The following MLLT3 variants were observed in gnomAD, a reference collection of about 807,000 sequenced individuals.
MLLT3 encodes the protein protein AF-9.
MLLT3 carries 4 observed loss-of-function variants against 53.2 expected under a neutral mutation model. The observed-to-expected ratio is 0.08, with a 90% confidence interval of 0.04 to 0.17. The LOEUF is 0.17. Among genes scored for constraint, MLLT3 ranks in the 10% least tolerant of loss-of-function variants. MLLT3 has a pLI of 1.00. For synonymous variants in MLLT3, 283 were observed against 230.6 expected (o/e 1.23, Z -2.06); for missense variants, 569 against 684.0 (o/e 0.83, Z 1.87).
At chr9:20,505,495 A>C (rs948748749) in intron 2 of MLLT3, among the ~76,000 whole-genome samples, 1 of 152,240 alleles carries the variant, frequency 6.6e-6, no homozygotes, top group East Asian at 1.9e-4. Context: ...CAGAATAAAA[A>C]TGGAATCTGT....
chr9:20,545,375 A>C (rs1337309251), intron 2 of MLLT3, among the ~76,000 whole-genome samples: 1 of 152,170 alleles, frequency 6.6e-6, no homozygotes, highest in African/African-American at 2.4e-5. Context: ...AGAAACACAA[A>C]GTAGAATGGT....
intron 4 of MLLT3, among the ~76,000 whole-genome samples, chr9:20,419,492 C>A (rs1822953998): frequency 6.7e-6 from 1 of 148,432 alleles, no homozygotes. Context: ...AAAGAGAGGG[C>A]TGAATTACAA....
chr9:20,429,972 T>C (rs1823226672), intron 4 of MLLT3, among the ~76,000 whole-genome samples: 1 of 152,182 alleles, frequency 6.6e-6, no homozygotes, highest in African/African-American at 2.4e-5. Context: ...TATGTGTCAT[T>C]ATTCACATTT....
rs1311182194 is a variant in MLLT3, at chr9:20,439,780, CATAAAA to C, written c.420+8337_420+8342del. On this transcript the variant is annotated intron_variant, in intron 4 of 10. Coordinates refer to ENST00000380338, the MANE Select transcript of MLLT3 (RefSeq NM_004529.4). ...TAGATTTTCAGTGGGATCTCATCTA[CATAAAA>C]ATATAATGTGAAATACTGACAGAGG... Among the ~76,000 whole-genome samples, 3 of 152,076 alleles carry C rather than the reference CATAAAA, an allele frequency of 2.0e-5. No homozygotes were observed. In the East Asian group the frequency reaches 5.8e-4, roughly 29 times the overall value.
intron 2 of MLLT3, among the ~76,000 whole-genome samples, chr9:20,581,207 A>T (rs945281736): frequency 2.6e-5 from 4 of 152,174 alleles, no homozygotes; most frequent in Non-Finnish European, 4.4e-5. Flanking sequence ...CTGTTTCTCA[A>T]GTTCTTTGAT....
intron 2 of MLLT3, among the ~76,000 whole-genome samples, chr9:20,586,143 T>C (rs1361852831): frequency 1.3e-5 from 2 of 151,954 alleles, no homozygotes; most frequent in Admixed American, 6.6e-5. Flanking sequence ...ATAGCGAGGC[T>C]TCATCTCTAC....
At chr9:20,456,883 C>T in intron 2 of MLLT3, 97 bp from the exon 3 acceptor site, 1 of 891,262 alleles carries the variant, frequency 1.1e-6, no homozygotes, top group South Asian at 1.6e-5. Context: ...ATCTAGATCA[C>T]ACGCAATTTT....
intron 8 of MLLT3, among the ~76,000 whole-genome samples, chr9:20,358,638 G>T (rs1821234391): frequency 6.6e-6 from 1 of 152,172 alleles, no homozygotes; most frequent in Admixed American, 6.5e-5. Context: ...GAAGCCATAA[G>T]GTTTGAAGGG....
intron 2 of MLLT3, among the ~76,000 whole-genome samples, chr9:20,506,061 CTCTT>C (rs1432664069): frequency 6.8e-6 from 1 of 147,412 alleles, no homozygotes; most frequent in Non-Finnish European, 1.5e-5. Context: ...ACCAGCCCTG[CTCTT>C]TCTTTTTTTC....
chr9:20,501,107 A>G (rs1296487678), intron 2 of MLLT3, among the ~76,000 whole-genome samples: 1 of 152,256 alleles, frequency 6.6e-6, no homozygotes, highest in African/African-American at 2.4e-5. Flanking sequence ...CATGGTATCC[A>G]TTCACTAGTT....
intron 2 of MLLT3, among the ~76,000 whole-genome samples, chr9:20,591,787 G>C (rs887575205): frequency 2.0e-5 from 3 of 152,178 alleles, no homozygotes; most frequent in Non-Finnish European, 4.4e-5. Context: ...CCATGTGAAA[G>C]ATGGTTTCTA....
chr9:20,406,081 C>T (rs1171078170), intron 5 of MLLT3, among the ~76,000 whole-genome samples: 1 of 151,842 alleles, frequency 6.6e-6, no homozygotes, highest in Non-Finnish European at 1.5e-5. Flanking sequence ...CACTACACTC[C>T]AGCCTGGATA....
intron 2 of MLLT3, among the ~76,000 whole-genome samples, chr9:20,486,121 G>C (rs1431484078): frequency 6.6e-6 from 1 of 152,094 alleles, no homozygotes; most frequent in Non-Finnish European, 1.5e-5. Flanking sequence ...TCAGTCACAT[G>C]ATAAACATTT....
chr9:20,385,658 T>G (rs923254515), intron 5 of MLLT3, among the ~76,000 whole-genome samples: 3 of 152,154 alleles, frequency 2.0e-5, no homozygotes, highest in Non-Finnish European at 4.4e-5. Flanking sequence ...GCTGAAAATT[T>G]TGGCTGACAC....
At chr9:20,513,094 G>A (rs575224878) in intron 2 of MLLT3, among the ~76,000 whole-genome samples, 5 of 152,320 alleles carry the variant, frequency 3.3e-5, no homozygotes, top group Admixed American at 6.5e-5. Flanking sequence ...CCCTGATAGG[G>A]CTCTAGGAAA....
At chr9:20,456,623 T>C in intron 3 of MLLT3, 81 bp downstream of exon 3, 1 of 1,002,596 alleles carries the variant, frequency 1.0e-6, no homozygotes, top group African/African-American at 1.6e-5. Context: ...ACAGAAGTGC[T>C]TATGAGTCAA....
At chr9:20,441,880 A>T (rs1373585319) in intron 4 of MLLT3, among the ~76,000 whole-genome samples, 4 of 152,298 alleles carry the variant, frequency 2.6e-5, no homozygotes, top group Admixed American at 2.6e-4. Context: ...AAAGCCACTT[A>T]TATTTTTAGA....
At chr9:20,614,372 T>A (rs935617810) in intron 2 of MLLT3, among the ~76,000 whole-genome samples, 2 of 129,884 alleles carry the variant, frequency 1.5e-5, no homozygotes, top group Non-Finnish European at 3.1e-5. Flanking sequence ...CCAGCCTGGG[T>A]GACAAGAGGG....
intron 2 of MLLT3, among the ~76,000 whole-genome samples, chr9:20,587,170 T>C (rs946403111): frequency 6.1e-5 from 8 of 131,444 alleles, no homozygotes; most frequent in African/African-American, 8.5e-5. Context: ...TTCCAACAGA[T>C]AGCAGATAGC....
Sources: allele counts gnomAD v4.1 joint callset (sites outside exome capture counted in the v4.1 genomes callset), GRCh38; gene constraint gnomAD v4.1.1; transcripts MANE v1.5; gene names NCBI Gene and HGNC (gene_info 2026-07-23, HGNC 2026-07-21).